HECW2: variants seen among roughly 807,000 people sequenced by gnomAD.
HECW2 encodes HECT, C2 and WW domain containing E3 ubiquitin protein ligase 2.
HECW2 carries 61 observed loss-of-function variants against 175.2 expected under a neutral mutation model. The observed-to-expected ratio is 0.35, with a 90% CI of 0.28 to 0.43. The LOEUF is 0.43. HECW2 is among the 20% of genes least tolerant of loss of function. HECW2 has a pLI of 1.00. For synonymous variants in HECW2, 671 were observed against 731.0 expected (o/e 0.92, Z 1.32); for missense variants, 1,524 against 2,000.5 (o/e 0.76, Z 4.54).
At chr2:196,273,318 C>A (rs558619940) in intron 16 of HECW2, among the ~76,000 whole-genome samples, 1 of 152,078 alleles carries the variant, frequency 6.6e-6, no homozygotes, top group Non-Finnish European at 1.5e-5. Flanking sequence ...CTGCCCATCT[C>A]GGCCTCCCAA....
intron 28 of HECW2, among the ~76,000 whole-genome samples, chr2:196,201,823 T>C (rs561523657): frequency 6.6e-6 from 1 of 152,242 alleles, no homozygotes; most frequent in African/African-American, 2.4e-5. Context: ...AGTTATGCAT[T>C]TTTTCATTTT....
chr2:196,562,713 G>A (rs555793488), intron 1 of HECW2, among the ~76,000 whole-genome samples: 3 of 152,260 alleles, frequency 2.0e-5, no homozygotes, highest in East Asian at 3.9e-4. Flanking sequence ...CCAGGAGGCA[G>A]CACTCAGAAT....
In HECW2 at chr2:196,231,778, G is replaced by A. The variant is rs938900685; in HGVS notation, c.3765-3524C>T. ...CTGAGGCAGACGGATCACAAGGTCA[G>A]GACCATCGAGACCATCCTGGCTAAC... On this transcript the variant is annotated intron_variant, in intron 21 of 28. Transcript: ENST00000644978. Among the ~76,000 whole-genome samples the A allele has an allele frequency of 5.6e-4, 4 of 7,184 alleles. No homozygotes were observed. The Non-Finnish European group carries it at 0.047, about 84-fold the overall frequency. The allele number at this position is 7,184 out of a possible 152,430, so 4.7% of individuals were successfully genotyped here.
chr2:196,440,541 C>G (rs986233892), intron 1 of HECW2, among the ~76,000 whole-genome samples: 13 of 151,882 alleles, frequency 8.6e-5, no homozygotes, highest in Admixed American at 3.3e-4. Context: ...TTTTAGCTAC[C>G]CTATTCAATG....
At chr2:196,553,304 A>G (rs1559172687) in intron 1 of HECW2, among the ~76,000 whole-genome samples, 1 of 152,242 alleles carries the variant, frequency 6.6e-6, no homozygotes, top group Admixed American at 6.5e-5. Context: ...CAGGTTAACA[A>G]ATAAAGGCAA....
At chr2:196,442,808 T>A (rs1367371691) in intron 1 of HECW2, among the ~76,000 whole-genome samples, 2 of 152,142 alleles carry the variant, frequency 1.3e-5, no homozygotes, top group African/African-American at 4.8e-5. Context: ...AATTTTTGAA[T>A]TTTTCTACAA....
intron 16 of HECW2, among the ~76,000 whole-genome samples, chr2:196,273,090 A>G (rs1395496090): frequency 2.0e-5 from 2 of 99,000 alleles, no homozygotes; most frequent in Non-Finnish European, 3.6e-5. Context: ...TTTTTTTGAG[A>G]TTGGGTCTTG....
At chr2:196,385,631 T>C (rs1694324439) in intron 2 of HECW2, among the ~76,000 whole-genome samples, 2 of 152,210 alleles carry the variant, frequency 1.3e-5, no homozygotes, top group African/African-American at 4.8e-5. Context: ...AAGCTAGTCC[T>C]TTAACTTCTC....
chr2:196,285,941 G>A (rs962706810), intron 14 of HECW2, among the ~76,000 whole-genome samples: 2 of 152,206 alleles, frequency 1.3e-5, no homozygotes, highest in Non-Finnish European at 2.9e-5. Flanking sequence ...AAAACAGTCG[G>A]TTAGTAGATG....
intron 27 of HECW2, 87 bp from the exon 28 acceptor site, chr2:196,216,064 T>G: frequency 1.2e-6 from 1 of 864,282 alleles, no homozygotes; most frequent in Non-Finnish European, 1.9e-6. Flanking sequence ...GCAGAGCTCC[T>G]GAGGAAGAGC....
chr2:196,476,442 C>CA (rs763469865), intron 1 of HECW2, among the ~76,000 whole-genome samples: 1,173 of 77,128 alleles, frequency 0.015, 6 homozygotes, highest in South Asian at 0.026. Flanking sequence ...GACTCCATCT[C>CA]AAAAAAAAAA....
At chr2:196,575,439 T>C (rs1008627370) in intron 1 of HECW2, among the ~76,000 whole-genome samples, 10 of 152,126 alleles carry the variant, frequency 6.6e-5, no homozygotes, top group Non-Finnish European at 1.3e-4. Flanking sequence ...GAAATTAGTA[T>C]CTCAAAAAGA....
chr2:196,253,706 A>G (rs1418037824), intron 19 of HECW2, among the ~76,000 whole-genome samples: 1 of 152,216 alleles, frequency 6.6e-6, no homozygotes, highest in Non-Finnish European at 1.5e-5. Context: ...TGAGTATGTC[A>G]TACCACTAAT....
At chr2:196,445,575 T>G (rs1468797895) in intron 1 of HECW2, among the ~76,000 whole-genome samples, 1 of 152,194 alleles carries the variant, frequency 6.6e-6, no homozygotes, top group Non-Finnish European at 1.5e-5. Context: ...AGGCTCTTGC[T>G]ACAGCATACA....
At chr2:196,361,934 A>G in intron 2 of HECW2, 2 of 985,450 alleles carry the variant, frequency 2.0e-6, no homozygotes, top group Non-Finnish European at 2.4e-6. Context: ...AGTTTCATTC[A>G]TAGGAGCAGC....
intron 2 of HECW2, among the ~76,000 whole-genome samples, chr2:196,349,272 G>GT (rs1341007727): frequency 1.3e-5 from 2 of 151,964 alleles, no homozygotes; most frequent in Non-Finnish European, 2.9e-5. Flanking sequence ...TAAAGTGTCT[G>GT]TTTTTTTGTT....
chr2:196,429,949 G>C (rs1695660340), intron 2 of HECW2, among the ~76,000 whole-genome samples: 1 of 152,166 alleles, frequency 6.6e-6, no homozygotes, highest in Admixed American at 6.5e-5. Flanking sequence ...AGCTTTACAG[G>C]GCTGAGAGGA....
At chr2:196,344,913 AAG>A (rs1281288099) in intron 2 of HECW2, among the ~76,000 whole-genome samples, 2 of 152,196 alleles carry the variant, frequency 1.3e-5, no homozygotes, top group Admixed American at 1.3e-4. Flanking sequence ...TTAAGCATGA[AAG>A]AAACAGAAAA....
chr2:196,236,504 T>G (rs1688258282), intron 21 of HECW2, among the ~76,000 whole-genome samples: 2 of 152,210 alleles, frequency 1.3e-5, no homozygotes, highest in Non-Finnish European at 2.9e-5. Context: ...TTAGCTAAAA[T>G]CCATACTTTA....
Sources: gnomAD v4.1 joint callset for allele counts (sites outside exome capture counted in the v4.1 genomes callset) on GRCh38, gnomAD v4.1.1 for gene constraint, MANE v1.5 for transcripts, NCBI Gene and HGNC (gene_info 2026-07-23, HGNC 2026-07-21) for gene names.